The following POLR1A variants were observed in gnomAD, a reference collection of about 807,000 sequenced individuals.
POLR1A encodes the protein RNA polymerase I subunit A.
Under a neutral mutation model 205.3 loss-of-function variants are expected in POLR1A, and 84 were observed. The observed-to-expected ratio is 0.41, with a 90% CI of 0.34 to 0.49. The LOEUF is 0.49. Among genes scored for constraint, POLR1A ranks in the 20% least tolerant of loss-of-function variants. The probability of loss-of-function intolerance (pLI) is 0.22; values close to 1 mark genes in which losing one functional copy is unlikely to be tolerated. For missense variants in POLR1A, 1,645 were observed against 2,204.5 expected, an observed-to-expected ratio of 0.75 and a Z score of 5.08; for synonymous variants, 799 against 863.7, an observed-to-expected ratio of 0.93 and a Z score of 1.31.
rs1180824344 is a variant in POLR1A at position 86,100,089 on chromosome 2, G to A, written c.161C>T (p.Ala54Val). 2 of 1,614,086 alleles carry A rather than the reference G, an allele frequency of 1.2e-6. No individual in the cohort carries two copies. The highest frequency in any genetic ancestry group is 1.7e-6 in the Non-Finnish European group (2 of 1,180,026). ...NPSANGLYDLALGPADSKEVC... is the reference protein window; with the variant it reads ...NPSANGLYDLVLGPADSKEVC... ...CTCTTTGGAATCTGCAGGGCCCAAA[G>A]CTAAATCGTACAGGCCGTTTGCCGA... The change falls in exon 2 of 34, where the codon GCT (alanine) becomes GTT (valine). Residue 54 changes from alanine to valine, a missense_variant. Physicochemically the swap from Ala to Val is moderately conservative, Grantham distance 64. Coordinates refer to ENST00000263857, the MANE Select transcript of POLR1A (RefSeq NM_015425.6).
chr2:86,086,953 C>T (rs1311507154), intron 6 of POLR1A, among the ~76,000 whole-genome samples: 1 of 152,216 alleles, frequency 6.6e-6, no homozygotes, highest in Non-Finnish European at 1.5e-5. Flanking sequence ...ACAGTGTTAA[C>T]TACCAACCAT....
At chr2:86,086,898 G>A (rs923712894) in intron 6 of POLR1A, among the ~76,000 whole-genome samples, 1 of 152,190 alleles carries the variant, frequency 6.6e-6, no homozygotes, top group East Asian at 1.9e-4. Context: ...CAAGAAAATT[G>A]TTTTGAGGGC....
At chr2:86,104,317 G>A (rs1334906888) in intron 1 of POLR1A, among the ~76,000 whole-genome samples, 1 of 152,036 alleles carries the variant, frequency 6.6e-6, no homozygotes, top group Non-Finnish European at 1.5e-5. Flanking sequence ...CAAAGTAAGA[G>A]CCCAATAAAT....
chr2:86,055,934 C>A (rs1272082738), intron 14 of POLR1A, among the ~76,000 whole-genome samples: 1 of 152,036 alleles, frequency 6.6e-6, no homozygotes, highest in Non-Finnish European at 1.5e-5. Flanking sequence ...CTAGCCAGGG[C>A]AGTTAGGCAA....
intron 11 of POLR1A, 51 bp downstream of exon 11, chr2:86,077,808 C>A (rs781714199): frequency 1.9e-6 from 2 of 1,041,090 alleles, no homozygotes; most frequent in Non-Finnish European, 2.7e-6. Flanking sequence ...TGCACGCGCG[C>A]GCGCACACAC....
intron 16 of POLR1A, among the ~76,000 whole-genome samples, chr2:86,050,678 T>C (rs1182228572): frequency 6.6e-6 from 1 of 152,248 alleles, no homozygotes; most frequent in African/African-American, 2.4e-5. Flanking sequence ...TTGTTCCTCA[T>C]CATGAGCTGG....
At chr2:86,035,816 T>C (rs1044099919) in intron 27 of POLR1A, among the ~76,000 whole-genome samples, 81 of 152,260 alleles carry the variant, frequency 5.3e-4, no homozygotes, top group African/African-American at 1.9e-3. Context: ...ATTCCCCCAG[T>C]TGGGGATGCC....
intron 27 of POLR1A, among the ~76,000 whole-genome samples, chr2:86,034,945 A>G (rs1672467498): frequency 6.6e-6 from 1 of 151,828 alleles, no homozygotes; most frequent in Admixed American, 6.6e-5. Context: ...ACCTCGGCTC[A>G]CTGCAACCTC....
intron 1 of POLR1A, among the ~76,000 whole-genome samples, chr2:86,103,048 A>G (rs927026228): frequency 5.9e-5 from 9 of 152,238 alleles, no homozygotes; most frequent in African/African-American, 2.2e-4. Context: ...AAGGAAACAG[A>G]CAAGAACTGC....
At chr2:86,069,770 G>A (rs1330352474) in intron 13 of POLR1A, among the ~76,000 whole-genome samples, 3 of 152,208 alleles carry the variant, frequency 2.0e-5, no homozygotes, top group Non-Finnish European at 4.4e-5. Flanking sequence ...TATTAAGGTT[G>A]GCTTTCTGGG....
At chr2:86,072,322 T>G (rs568475752) in intron 12 of POLR1A, among the ~76,000 whole-genome samples, 2 of 152,346 alleles carry the variant, frequency 1.3e-5, no homozygotes, top group South Asian at 4.1e-4. Flanking sequence ...GCTGTCTGAC[T>G]GCGTCATACA....
rs1293692688 is a variant in POLR1A at position 86,029,484 on chromosome 2, G to C, written c.4779+712C>G. On this transcript the variant is annotated intron_variant, in intron 31 of 33. Coordinates refer to ENST00000263857, the MANE Select transcript of POLR1A (RefSeq NM_015425.6). ...GCTGGTGAGCAGGTGGGACAGGAATGCCAGGGCACCTCTACCCCTGGGACC... is the reference window on the plus strand; with the variant it reads ...GCTGGTGAGCAGGTGGGACAGGAATCCCAGGGCACCTCTACCCCTGGGACC... Among the ~76,000 whole-genome samples the C allele has an allele frequency of 3.9e-5, 6 of 152,236 alleles. No homozygotes were observed. In the East Asian group the frequency reaches 1.2e-3, roughly 29 times the overall value.
At chr2:86,052,660 G>A (rs546250827) in intron 16 of POLR1A, among the ~76,000 whole-genome samples, 157 bp downstream of exon 16, 221 of 152,358 alleles carry the variant, frequency 1.5e-3, no homozygotes, top group African/African-American at 5.0e-3. Flanking sequence ...GTAATAAAGC[G>A]TGGTGCACTG....
chr2:86,053,119 A>G (rs1248032811), intron 15 of POLR1A, 119 bp from the exon 16 acceptor site: 1 of 532,110 alleles, frequency 1.9e-6, no homozygotes, highest in Non-Finnish European at 3.0e-6. Flanking sequence ...ACCCGCCTAG[A>G]ATCCTTCATG....
intron 25 of POLR1A, 71 bp from the exon 26 acceptor site, chr2:86,039,533 A>G: frequency 1.3e-6 from 2 of 1,569,626 alleles, no homozygotes. Flanking sequence ...AGCTTCTCCT[A>G]ATGATGTCAG....
intron 2 of POLR1A, 129 bp from the exon 3 acceptor site, chr2:86,098,889 T>G: frequency 2.6e-6 from 2 of 756,518 alleles, no homozygotes; most frequent in Non-Finnish European, 4.2e-6. Context: ...TCAGCCTACA[T>G]GCTTAGAAAG....
intron 28 of POLR1A, 64 bp from the exon 29 acceptor site, chr2:86,032,446 C>CAT: frequency 8.7e-7 from 1 of 1,143,758 alleles, no homozygotes; most frequent in Non-Finnish European, 1.3e-6. Context: ...TGAATCCATC[C>CAT]ATCCACCCAC....
chr2:86,045,474 C>A, intron 20 of POLR1A, 114 bp from the exon 21 acceptor site: 1 of 1,252,594 alleles, frequency 8.0e-7, no homozygotes, highest in Non-Finnish European at 1.2e-6. Context: ...CACTCCCTTC[C>A]CTGATCTCCT....
intron 13 of POLR1A, among the ~76,000 whole-genome samples, chr2:86,069,335 T>G (rs1202862690): frequency 6.6e-6 from 1 of 152,210 alleles, no homozygotes; most frequent in African/African-American, 2.4e-5. Context: ...TGGAACACAC[T>G]CTGTCTTCTT....
Sources: gnomAD v4.1 joint callset for allele counts (sites outside exome capture counted in the v4.1 genomes callset) on GRCh38, gnomAD v4.1.1 for gene constraint, MANE v1.5 for transcripts, NCBI Gene and HGNC (gene_info 2026-07-23, HGNC 2026-07-21) for gene names.